Variants in OR52E4 observed in about 807,000 individuals in gnomAD.
OR52E4 encodes olfactory receptor 52E4.
For synonymous variants in OR52E4, 169 were observed against 137.4 expected (o/e 1.23, Z -1.61); for missense variants, 444 against 383.8 (o/e 1.16, Z -1.31).
chr11:5,880,666 T>TG lies in OR52E4; in HGVS notation c.-122dup, dbSNP rs1243750463. On this transcript the variant is annotated 5_prime_UTR_variant, in exon 1 of 2. The change abolishes the stop of an existing upstream ORF in the 5' untranslated region. Coordinates refer to ENST00000641726, the MANE Select transcript of OR52E4 (RefSeq NM_001005165.2). ...CACGGTCTTTAAGAACCTGGACTCA[T>TG]GCTCCAATTCTGCTCCAAGTGAGGG... 2.0e-5 allele frequency: 3 copies of TG among 152,216 alleles called. No individual in the cohort carries two copies. Among genetic ancestry groups the TG allele is most frequent in the African/African-American group, 7.2e-5 (3 of 41,442 alleles). 9.4% of individuals were successfully genotyped at this position (152,216 alleles called of 1,614,324 possible).
Position 5,884,587 on chromosome 11 carries a change from T to G in OR52E4, c.295T>G (p.Cys99Gly). ...FNLQEISFGGCLLQMFFIHMF... is the reference protein window; with the variant it reads ...FNLQEISFGGGLLQMFFIHMF... ...CCTCCAAGAGATCAGCTTTGGGGGA[T>G]GCCTTCTTCAGATGTTCTTTATTCA... is the stretch of plus-strand genomic sequence containing the variant. The change falls in exon 2 of 2, where the codon TGC (cysteine) becomes GGC (glycine). Residue 99 changes from cysteine (C) to glycine (G), a missense_variant. Physicochemically the swap from Cys to Gly is radical, Grantham distance 159 (BLOSUM62 -3). Transcript: ENST00000641726. 1.2e-6 allele frequency: 2 copies of G among 1,613,554 alleles called. No individual in the cohort carries two copies. The highest frequency in any genetic ancestry group is 1.7e-6 in the Non-Finnish European group (2 of 1,179,702).
intron 1 of OR52E4, among the ~76,000 whole-genome samples, chr11:5,881,342 A>G (rs925877045): frequency 6.6e-6 from 1 of 152,128 alleles, no homozygotes; most frequent in Non-Finnish European, 1.5e-5. Context: ...TGAACCGCCA[A>G]TGGCACAGTT....
rs146629636 is a variant in OR52E4, at chr11:5,886,194, TAC to T, written c.*987_*988del. ...CCCCCTTTGTGTGTGTGTGTATGTG[TAC>T]ACACACACACACACACACACACATA... On this transcript the variant is annotated 3_prime_UTR_variant, in exon 2 of 2. Transcript: ENST00000641726. 0.54 allele frequency: 78,493 copies of T among 146,060 alleles called. 20,927 individuals are homozygous for T. The highest frequency in any genetic ancestry group is 0.57 in the Admixed American group (8,326 of 14,558). The allele number at this position is 146,060 out of a possible 1,614,324, so 9.0% of individuals were successfully genotyped here.
chr11:5,882,255 G>A (rs1187070683), intron 1 of OR52E4, among the ~76,000 whole-genome samples: 1 of 152,066 alleles, frequency 6.6e-6, no homozygotes. Flanking sequence ...TGGCAGCTTT[G>A]AATTTTACTG....
At chr11:5,880,936 TCC>T (rs1264305462) in intron 1 of OR52E4, among the ~76,000 whole-genome samples, 4 of 151,724 alleles carry the variant, frequency 2.6e-5, no homozygotes, top group Admixed American at 2.0e-4. Flanking sequence ...TCTCTCTCTC[TCC>T]CCCCTTTCTC....
At chr11:5,881,058 CTTG>C (rs1178290553) in intron 1 of OR52E4, among the ~76,000 whole-genome samples, 1 of 152,078 alleles carries the variant, frequency 6.6e-6, no homozygotes, top group Non-Finnish European at 1.5e-5. Context: ...CATGGCCATA[CTTG>C]TTGTCAATAA....
chr11:5,882,975 T>C (rs1251973377), intron 1 of OR52E4, among the ~76,000 whole-genome samples: 3 of 152,070 alleles, frequency 2.0e-5, no homozygotes, highest in East Asian at 3.9e-4. Context: ...ACAGTGTCTT[T>C]AGGGATGCAA....
Position 5,885,229 on chromosome 11 carries a change from T to C in OR52E4, c.937T>C (p.Ter313GlnextTer27), listed in dbSNP as rs765664073. The change falls in exon 2 of 2, where the codon TAA becomes CAA. Residue 313 changes from the stop codon to glutamine, a stop_lost. Coordinates refer to ENST00000641726, the MANE Select transcript of OR52E4 (RefSeq NM_001005165.2). ...TGTGAAAATATTTGTACAGAAAGAA[T>C]AATTCTGTATTAAAGTTTGGATAAA... ...QIVKIFVQKE* is the reference protein window; with the variant it reads ...QIVKIFVQKEQ 3 of 1,570,656 alleles carry C rather than the reference T, an allele frequency of 1.9e-6. No homozygotes were observed. Among genetic ancestry groups the C allele is most frequent in the East Asian group, 4.5e-5 (2 of 44,382 alleles).
Position 5,884,238 on chromosome 11 carries a change from C to A in OR52E4, c.-55C>A. On this transcript the variant is annotated 5_prime_UTR_variant, in exon 2 of 2. Transcript: ENST00000641726. ...CTTCAGGAACTTGACAAGAGAGGAC[C>A]TTAAAGAAAGTGAGATCCTTCATAC... is the stretch of plus-strand genomic sequence containing the variant. The A allele has an allele frequency of 7.6e-7, 1 of 1,312,128 alleles. No individual in the cohort carries two copies. Among genetic ancestry groups the A allele is most frequent in the South Asian group, 1.3e-5 (1 of 74,086 alleles). The allele number at this position is 1,312,128 out of a possible 1,614,324, so 81.3% of individuals were successfully genotyped here. A position where few individuals can be genotyped will look rare whatever the true frequency, so the allele number is the denominator to read the frequency against.
At position 5,884,686 on chromosome 11, in the gene OR52E4, C is replaced by T. The variant is rs932080377; in HGVS notation, c.394C>T (p.Leu132Phe). The T allele has an allele frequency of 6.2e-7, 1 of 1,613,624 alleles. No individual in the cohort carries two copies. The highest frequency in any genetic ancestry group is 1.3e-5 in the African/African-American group (1 of 74,994). The change falls in exon 2 of 2, where the codon CTC becomes TTC. Residue 132 changes from leucine (L) to phenylalanine (F), a missense_variant. Leu to Phe is a conservative substitution (Grantham distance 22). Coordinates refer to ENST00000641726, the MANE Select transcript of OR52E4 (RefSeq NM_001005165.2). Reference sequence around the variant, plus strand: ...CCGCTTTGTTGCCATCTGCAACCCTCTCCAGTACACCATGATCCTCACCAA... The same window carrying T: ...CCGCTTTGTTGCCATCTGCAACCCTTTCCAGTACACCATGATCCTCACCAA... ...YDRFVAICNP[L>F]QYTMILTNKT...
chr11:5,885,244 G>A lies in OR52E4; in HGVS notation c.*13G>A. On this transcript the variant is annotated 3_prime_UTR_variant, in exon 2 of 2. Coordinates refer to ENST00000641726, the MANE Select transcript of OR52E4 (RefSeq NM_001005165.2). ...ACAGAAAGAATAATTCTGTATTAAA[G>A]TTTGGATAAATATATCTATATACAA... 1 of 1,531,094 alleles carries A rather than the reference G, an allele frequency of 6.5e-7. No homozygotes were observed. The highest frequency in any genetic ancestry group is 1.2e-5 in the South Asian group (1 of 81,970). The allele number at this position is 1,531,094 out of a possible 1,614,324, so 94.8% of individuals were successfully genotyped here.
In OR52E4 at chr11:5,885,045, C is replaced by T. The variant is rs149421594; in HGVS notation, c.753C>T (p.Cys251=). The T allele has an allele frequency of 2.0e-5, 33 of 1,613,340 alleles. No homozygotes were observed. The highest frequency in any genetic ancestry group is 2.8e-5 in the Non-Finnish European group (33 of 1,179,674). Reference sequence around the variant, plus strand: ...GTTCTCATGTCTGTGTTATGCTGTGCTTTTACACACCAGCATTTTTTTCTT... The same window carrying T: ...GTTCTCATGTCTGTGTTATGCTGTGTTTTTACACACCAGCATTTTTTTCTT... ...TCGSHVCVML[C]FYTPAFFSFM... The change falls in exon 2 of 2, where the codon TGC becomes TGT. Residue 251 remains cysteine, a synonymous_variant. Transcript: ENST00000641726.
intron 1 of OR52E4, among the ~76,000 whole-genome samples, chr11:5,882,329 T>C (rs1590393043): frequency 6.6e-6 from 1 of 152,048 alleles, no homozygotes; most frequent in Non-Finnish European, 1.5e-5. Flanking sequence ...AAGTATCATG[T>C]TGAGACACAG....
intron 1 of OR52E4, 49 bp from the exon 2 acceptor site, chr11:5,884,170 C>CT (rs924011292): frequency 5.7e-6 from 4 of 703,400 alleles, no homozygotes; most frequent in African/African-American, 5.3e-5. Context: ...AATTAACCAC[C>CT]TATACCATTA....
At position 5,886,586 on chromosome 11, in the gene OR52E4, G is replaced by A. The variant is rs1370816691; in HGVS notation, c.*1355G>A. ...ATCATTATAATTTATTAATCCTGTA[G>A]ATCTCCAATATTTAGTCCTATTTTC... On this transcript the variant is annotated 3_prime_UTR_variant, in exon 2 of 2. Transcript: ENST00000641726. 1 of 152,018 alleles carries A rather than the reference G, an allele frequency of 6.6e-6. No homozygotes were observed. Among genetic ancestry groups the A allele is most frequent in the East Asian group, 1.9e-4 (1 of 5,174 alleles). 9.4% of individuals were successfully genotyped at this position (152,018 alleles called of 1,614,324 possible).
In OR52E4 at chr11:5,885,132, G is replaced by C; in HGVS notation, c.840G>C (p.Leu280=). The C allele has an allele frequency of 6.2e-7, 1 of 1,613,370 alleles. No individual in the cohort carries two copies. The highest frequency in any genetic ancestry group is 8.5e-7 in the Non-Finnish European group (1 of 1,179,646). Residue 280 remains leucine, a synonymous_variant, in exon 2 of 2, where the codon CTG becomes CTC. Coordinates refer to ENST00000641726, the MANE Select transcript of OR52E4 (RefSeq NM_001005165.2). Reference sequence around the variant, plus strand: ...ATATCCATATTCTTTTGGCTAACCTGTATGTGGTTGTCCCACCTGCCCTTA... The same window carrying C: ...ATATCCATATTCTTTTGGCTAACCTCTATGTGGTTGTCCCACCTGCCCTTA... ...PHYIHILLAN[L]YVVVPPALNP...
At chr11:5,884,056 A>G (rs559105331) in intron 1 of OR52E4, among the ~76,000 whole-genome samples, 163 bp from the exon 2 acceptor site, 6 of 152,202 alleles carry the variant, frequency 3.9e-5, no homozygotes, top group African/African-American at 1.4e-4. Context: ...TACAAAACAT[A>G]AAGCCATAAG....
In OR52E4 at chr11:5,884,708, C is replaced by G. The variant is rs116557602; in HGVS notation, c.416C>G (p.Thr139Ser). The change falls in exon 2 of 2, where the codon ACC becomes AGC. Residue 139 changes from threonine to serine, a missense_variant. Transcript: ENST00000641726. ...CCTCTCCAGTACACCATGATCCTCA[C>G]CAATAAAACCATCAGTATCCTAGCT... is the stretch of plus-strand genomic sequence containing the variant. ...CNPLQYTMIL[T>S]NKTISILASV... The G allele has an allele frequency of 8.0e-4, 1,285 of 1,613,652 alleles. 11 individuals carry two copies. In the African/African-American group the frequency reaches 0.014, roughly 18 times the overall value.
At position 5,884,480 on chromosome 11, in the gene OR52E4, A is replaced by G; in HGVS notation, c.188A>G (p.Tyr63Cys). 1 of 1,613,500 alleles carries G rather than the reference A, an allele frequency of 6.2e-7. No homozygotes were observed. Among genetic ancestry groups the G allele is most frequent in the South Asian group, 1.1e-5 (1 of 91,068 alleles). The change falls in exon 2 of 2, where the codon TAC (tyrosine) becomes TGC (cysteine). Residue 63 changes from tyrosine (Y) to cysteine (C), a missense_variant. Coordinates refer to ENST00000641726, the MANE Select transcript of OR52E4 (RefSeq NM_001005165.2). ...TEHSLHQPMF[Y>C]FLAMLSMIDL... ...CATAGTCTACACCAGCCCATGTTCTACTTCCTGGCCATGTTGTCTATGATT... is the reference window on the plus strand; with the variant it reads ...CATAGTCTACACCAGCCCATGTTCTGCTTCCTGGCCATGTTGTCTATGATT...
Sources: gnomAD v4.1 joint callset for allele counts (sites outside exome capture counted in the v4.1 genomes callset) on GRCh38, gnomAD v4.1.1 for gene constraint, MANE v1.5 for transcripts, NCBI Gene and HGNC (gene_info 2026-07-23, HGNC 2026-07-21) for gene names.